Variants in IRAK1BP1 observed in about 807,000 individuals in gnomAD.
IRAK1BP1 encodes interleukin-1 receptor-associated kinase 1-binding protein 1.
In IRAK1BP1, 24 loss-of-function variants were observed where a neutral mutation model predicts 28.0. The observed-to-expected ratio is 0.86, with a 90% confidence interval of 0.62 to 1.20. IRAK1BP1 has a LOEUF of 1.20. Among genes scored for constraint, IRAK1BP1 ranks in the 50% most tolerant of loss-of-function variants. IRAK1BP1 has a pLI of 0.00. For synonymous variants in IRAK1BP1, 131 were observed against 116.3 expected (o/e 1.13, Z -0.81); for missense variants, 336 against 316.7 (o/e 1.06, Z -0.46).
intron 2 of IRAK1BP1, among the ~76,000 whole-genome samples, chr6:78,893,310 GTGTGTATATATATA>G (rs1024238154): frequency 3.1e-4 from 22 of 71,124 alleles, no homozygotes; most frequent in African/African-American, 9.7e-4. Context: ...GTGTGTGTGT[GTGTGTATATATATA>G]TATATATATA....
Position 78,898,058 on chromosome 6 carries a change from C to T in IRAK1BP1, c.513-6C>T. The T allele has an allele frequency of 6.2e-7, 1 of 1,606,608 alleles. No individual in the cohort carries two copies. The highest frequency in any genetic ancestry group is 1.3e-5 in the African/African-American group (1 of 74,582). On this transcript the variant is annotated splice_region_variant and splice_polypyrimidine_tract_variant and intron_variant, in intron 3 of 3. Coordinates refer to ENST00000369940, the MANE Select transcript of IRAK1BP1 (RefSeq NM_001010844.4). ...ATATTAATAATCTCTCCATTTAATT[C>T]CTAAGACGGCAAGCCTGTCTTGTTG...
downstream of IRAK1BP1, among the ~76,000 whole-genome samples, chr6:78,948,960 T>C (rs1206427221): frequency 6.6e-6 from 1 of 152,226 alleles, no homozygotes; most frequent in Non-Finnish European, 1.5e-5. Context: ...TCCTTTCCAA[T>C]AGTTATGCCT....
the IRAK1BP1 span, chr6:78,970,770 C>A: frequency 6.6e-7 from 1 of 1,515,536 alleles, no homozygotes; most frequent in East Asian, 2.3e-5. Flanking sequence ...AATAATAAAT[C>A]AATGTCATAC....
At chr6:78,876,647 C>A (rs1771014133) in intron 1 of IRAK1BP1, among the ~76,000 whole-genome samples, 1 of 152,144 alleles carries the variant, frequency 6.6e-6, no homozygotes, top group African/African-American at 2.4e-5. Flanking sequence ...GCATTCCTGG[C>A]CCCTACCCAT....
At chr6:78,916,732 G>A (rs1390847573) in intron 4 of IRAK1BP1, among the ~76,000 whole-genome samples, 1 of 151,992 alleles carries the variant, frequency 6.6e-6, no homozygotes, top group African/African-American at 2.4e-5. Flanking sequence ...AAACAGAGTG[G>A]TTAGAGACAA....
intron 4 of IRAK1BP1, among the ~76,000 whole-genome samples, chr6:78,930,780 A>G (rs1773021632): frequency 6.6e-6 from 1 of 151,860 alleles, no homozygotes; most frequent in Non-Finnish European, 1.5e-5. Flanking sequence ...GAAAATACAA[A>G]AATTAGGTGG....
chr6:78,886,402 G>A (rs1050721137), intron 2 of IRAK1BP1, among the ~76,000 whole-genome samples: 3 of 152,106 alleles, frequency 2.0e-5, no homozygotes, highest in Admixed American at 6.6e-5. Flanking sequence ...ATTTTACTAT[G>A]TCAAGGAATT....
chr6:78,963,970 C>T, the IRAK1BP1 span, among the ~76,000 whole-genome samples: 9 of 152,242 alleles, frequency 5.9e-5, no homozygotes, highest in East Asian at 1.7e-3. Context: ...CAACAGTAAC[C>T]ACCCTTCAAT....
chr6:78,903,218 C>G (rs1433605497), downstream of IRAK1BP1: 1 of 591,588 alleles, frequency 1.7e-6, no homozygotes, highest in African/African-American at 1.9e-5. Context: ...CATGGTGGCT[C>G]ACATGTGTAA....
At chr6:78,958,697 C>A in the IRAK1BP1 span, 1 of 747,740 alleles carries the variant, frequency 1.3e-6, no homozygotes, top group Non-Finnish European at 2.3e-6. Context: ...CAACTTCAGT[C>A]TAAACCAACT....
At chr6:78,933,879 C>T (rs1562104055) in intron 4 of IRAK1BP1, among the ~76,000 whole-genome samples, 1 of 152,136 alleles carries the variant, frequency 6.6e-6, no homozygotes, top group Non-Finnish European at 1.5e-5. Flanking sequence ...GCATCCTTAA[C>T]TTCCTTCAAT....
chr6:78,869,194 A>G (rs1770703996), intron 1 of IRAK1BP1, among the ~76,000 whole-genome samples: 1 of 152,222 alleles, frequency 6.6e-6, no homozygotes, highest in African/African-American at 2.4e-5. Context: ...TTATTTACAT[A>G]AAATAAAAAG....
the IRAK1BP1 span, among the ~76,000 whole-genome samples, chr6:78,969,622 A>G: frequency 2.0e-5 from 3 of 152,184 alleles, no homozygotes; most frequent in Non-Finnish European, 4.4e-5. Context: ...ATGTAACAGA[A>G]AAAATGTTTT....
At chr6:78,965,349 CA>C in the IRAK1BP1 span, among the ~76,000 whole-genome samples, 1 of 152,170 alleles carries the variant, frequency 6.6e-6, no homozygotes, top group East Asian at 1.9e-4. Context: ...CCGTCTCACT[CA>C]AAAGCATGAC....
At chr6:78,941,058 C>T in intron 4 of IRAK1BP1, 1 of 1,613,970 alleles carries the variant, frequency 6.2e-7, no homozygotes. Flanking sequence ...TCTTCCTTTA[C>T]ATTATTAGTT....
intron 4 of IRAK1BP1, among the ~76,000 whole-genome samples, chr6:78,923,246 A>T (rs576734463): frequency 8.1e-6 from 1 of 124,052 alleles, no homozygotes; most frequent in Non-Finnish European, 2.0e-5. Context: ...AAGCACATGG[A>T]AAAAAAAAAG....
chr6:78,932,628 A>G (rs1009925005), intron 4 of IRAK1BP1, among the ~76,000 whole-genome samples: 2 of 152,024 alleles, frequency 1.3e-5, no homozygotes, highest in African/African-American at 4.8e-5. Context: ...CACGTTGGCC[A>G]GGCTGGTCTT....
intron 1 of IRAK1BP1, 31 bp downstream of exon 1, chr6:78,867,922 C>G: frequency 6.6e-7 from 1 of 1,519,260 alleles, no homozygotes; most frequent in African/African-American, 1.4e-5. Context: ...GAAATAAGAG[C>G]CGGAAGACAC....
intron 4 of IRAK1BP1, among the ~76,000 whole-genome samples, chr6:78,926,421 T>C (rs1314220212): frequency 6.6e-6 from 1 of 152,162 alleles, no homozygotes; most frequent in Non-Finnish European, 1.5e-5. Context: ...TTTTTCTGGG[T>C]ACGTGGTAGG....
Sources: allele counts gnomAD v4.1 joint callset (sites outside exome capture counted in the v4.1 genomes callset), GRCh38; gene constraint gnomAD v4.1.1; transcripts MANE v1.5; gene names NCBI Gene and HGNC (gene_info 2026-07-23, HGNC 2026-07-21).